The following TNFSF4 variants were observed in gnomAD, a reference collection of about 807,000 sequenced individuals.
TNFSF4 encodes tumor necrosis factor ligand superfamily member 4.
TNFSF4 carries 4 observed loss-of-function variants against 7.3 expected under a neutral mutation model. The ratio of observed to expected loss-of-function variants is 0.55; its 90% CI spans 0.27 to 1.25. The LOEUF (loss-of-function observed/expected upper bound fraction) is 1.25. TNFSF4 is among the 50% of genes most tolerant of loss of function. The pLI, the probability that TNFSF4 is intolerant of heterozygous loss-of-function variation, is 0.12. For synonymous variants in TNFSF4, 76 were observed against 83.7 expected, an observed-to-expected ratio of 0.91 and a Z score of 0.50; for missense variants, 181 against 208.8, an observed-to-expected ratio of 0.87 and a Z score of 0.82.
At chr1:173,322,513 T>C in the TNFSF4 span, among the ~76,000 whole-genome samples, 1 of 152,090 alleles carries the variant, frequency 6.6e-6, no homozygotes. Context: ...CGGGTTCATC[T>C]CACTGGGGAG....
At chr1:173,188,452 G>T in intron 2 of TNFSF4, 69 bp downstream of exon 2, 3 of 1,235,500 alleles carry the variant, frequency 2.4e-6, no homozygotes, top group Non-Finnish European at 3.5e-6. Context: ...GTGTTCTAGA[G>T]GAAATTAAGA....
chr1:173,272,854 G>T, the TNFSF4 span, among the ~76,000 whole-genome samples: 3 of 152,016 alleles, frequency 2.0e-5, no homozygotes, highest in Non-Finnish European at 4.4e-5. Context: ...CTATTACAGT[G>T]CTTCAAAGAA....
chr1:173,418,736 G>A, the TNFSF4 span: 3 of 151,716 alleles, frequency 2.0e-5, no homozygotes, highest in Admixed American at 6.6e-5. Context: ...CTCCAAGACC[G>A]GGCTTCCACC....
chr1:173,286,049 T>G, the TNFSF4 span, among the ~76,000 whole-genome samples: 6 of 152,286 alleles, frequency 3.9e-5, no homozygotes, highest in East Asian at 7.7e-4. Context: ...TTTAATTAAC[T>G]TTTTTACACC....
chr1:173,210,207 AC>A (rs1477302055), upstream of TNFSF4, among the ~76,000 whole-genome samples: 2 of 152,214 alleles, frequency 1.3e-5, no homozygotes, highest in African/African-American at 4.8e-5. Flanking sequence ...AGGAAAAGAC[AC>A]AAACAAAACA....
At chr1:173,193,735 C>T (rs893021486) in intron 1 of TNFSF4, among the ~76,000 whole-genome samples, 10 of 151,018 alleles carry the variant, frequency 6.6e-5, no homozygotes, top group Non-Finnish European at 1.2e-4. Context: ...CTCCAGGCTT[C>T]CCTCTTGGGT....
chr1:173,295,949 G>A, the TNFSF4 span, among the ~76,000 whole-genome samples: 1 of 152,004 alleles, frequency 6.6e-6, no homozygotes, highest in South Asian at 2.1e-4. Flanking sequence ...ACTAGCTCCT[G>A]TTCAGACATG....
At chr1:173,393,094 G>A in the TNFSF4 span, among the ~76,000 whole-genome samples, 1 of 152,236 alleles carries the variant, frequency 6.6e-6, no homozygotes, top group Non-Finnish European at 1.5e-5. Flanking sequence ...GGCTTGGGTA[G>A]GAATGGAAGG....
chr1:173,347,504 A>T, the TNFSF4 span, among the ~76,000 whole-genome samples: 1 of 152,254 alleles, frequency 6.6e-6, no homozygotes, highest in South Asian at 2.1e-4. Flanking sequence ...TCAATCATGC[A>T]GTAAGTATTA....
the TNFSF4 span, among the ~76,000 whole-genome samples, chr1:173,419,381 C>T: frequency 5.9e-5 from 9 of 151,730 alleles, no homozygotes; most frequent in Admixed American, 1.3e-4. Flanking sequence ...GTAACCCAAG[C>T]GGACAAGCCT....
At chr1:173,214,476 A>C in the TNFSF4 span, among the ~76,000 whole-genome samples, 1 of 152,366 alleles carries the variant, frequency 6.6e-6, no homozygotes, top group South Asian at 2.1e-4. Flanking sequence ...CTTCCTGTCA[A>C]TTCGATCAAG....
At chr1:173,181,837 C>T (rs1245463408), downstream of TNFSF4, among the ~76,000 whole-genome samples, 3 of 152,094 alleles carry the variant, frequency 2.0e-5, no homozygotes, top group South Asian at 6.2e-4. Flanking sequence ...GCTTTGATCC[C>T]GTGGAGTGAA....
At chr1:173,398,413 T>TC in the TNFSF4 span, among the ~76,000 whole-genome samples, 30 of 145,956 alleles carry the variant, frequency 2.1e-4, no homozygotes, top group East Asian at 3.9e-4. Flanking sequence ...TCTTTTCTTT[T>TC]TTTTTTTTTT....
At chr1:173,230,221 A>G in the TNFSF4 span, among the ~76,000 whole-genome samples, 1 of 151,790 alleles carries the variant, frequency 6.6e-6, no homozygotes, top group South Asian at 2.1e-4. Context: ...AACAGAAATT[A>G]TAACAGTCTC....
At chr1:173,250,577 A>G in the TNFSF4 span, among the ~76,000 whole-genome samples, 1 of 151,328 alleles carries the variant, frequency 6.6e-6, no homozygotes, top group Non-Finnish European at 1.5e-5. Flanking sequence ...CTCCTGCCTC[A>G]GCCTCCCGAG....
At chr1:173,178,162 T>C in the TNFSF4 span, among the ~76,000 whole-genome samples, 28 of 152,200 alleles carry the variant, frequency 1.8e-4, no homozygotes, top group African/African-American at 6.5e-4. Flanking sequence ...ATCACATGTT[T>C]CATAGTCACC....
chr1:173,259,420 G>A, the TNFSF4 span, among the ~76,000 whole-genome samples: 2 of 152,174 alleles, frequency 1.3e-5, no homozygotes, highest in Non-Finnish European at 2.9e-5. Context: ...AGCTCAAAAA[G>A]CCAGAGTGCC....
chr1:173,325,949 T>C, the TNFSF4 span, among the ~76,000 whole-genome samples: 14 of 152,306 alleles, frequency 9.2e-5, 1 homozygote, highest in East Asian at 1.7e-3. Context: ...AAGGAGGAGC[T>C]GGTACCATTC....
upstream of TNFSF4, among the ~76,000 whole-genome samples, chr1:173,208,146 C>T (rs1392514970): frequency 1.3e-5 from 2 of 152,058 alleles, no homozygotes; most frequent in African/African-American, 4.8e-5. Context: ...TCAATAGACA[C>T]CAGGTACCCT....
Sources: allele counts gnomAD v4.1 joint callset (sites outside exome capture counted in the v4.1 genomes callset), GRCh38; gene constraint gnomAD v4.1.1; transcripts MANE v1.5; gene names NCBI Gene and HGNC (gene_info 2026-07-23, HGNC 2026-07-21).